ELP2: variants seen among roughly 807,000 people sequenced by gnomAD.
ELP2 encodes the protein elongator acetyltransferase complex subunit 2.
In ELP2, 90 loss-of-function variants were observed where a neutral mutation model predicts 119.2. That is an observed-to-expected ratio of 0.75 (90% CI 0.64 to 0.90). The LOEUF (loss-of-function observed/expected upper bound fraction) is 0.90. ELP2 is among the 40% of genes least tolerant of loss of function. The pLI is 0.00. For missense variants in ELP2, 921 were observed against 967.8 expected, an observed-to-expected ratio of 0.95 and a Z score of 0.64; for synonymous variants, 339 against 331.0, an observed-to-expected ratio of 1.02 and a Z score of -0.26.
intron 15 of ELP2, 27 bp from the exon 16 acceptor site, chr18:36,159,931 G>A (rs1568012650): frequency 6.2e-7 from 1 of 1,613,392 alleles, no homozygotes; most frequent in East Asian, 2.2e-5. Flanking sequence ...CTTTTACATA[G>A]AAAAAAATAG....
At position 36,145,222 on chromosome 18, in the gene ELP2, C is replaced by A. The variant is rs2090160804; in HGVS notation, c.892+188C>A. The stretch of plus-strand genomic sequence containing the variant: ...ACTCAGTTCCATTGAACATTGAACT[C>A]CTAAGTGGGAAAAGTGTAATTCCTG... On this transcript the variant is annotated intron_variant, in intron 9 of 21. Transcript: ENST00000358232. 3 of 579,526 alleles carry A rather than the reference C, an allele frequency of 5.2e-6. No individual in the cohort carries two copies. In the East Asian group the frequency reaches 9.4e-5, roughly 18 times the overall value. 35.9% of individuals were successfully genotyped at this position (579,526 alleles called of 1,614,324 possible). A position where few individuals can be genotyped will look rare whatever the true frequency, so the allele number is the denominator to read the frequency against.
intron 11 of ELP2, among the ~76,000 whole-genome samples, chr18:36,149,324 A>G (rs975421036): frequency 6.6e-6 from 1 of 152,156 alleles, no homozygotes; most frequent in African/African-American, 2.4e-5. Flanking sequence ...TAGGTGCAGA[A>G]CTAGTGAGCT....
chr18:36,131,766 C>T lies in ELP2; in HGVS notation c.139-1472C>T, dbSNP rs554128582. Among the ~76,000 whole-genome samples, 4 of 152,292 alleles carry T rather than the reference C, an allele frequency of 2.6e-5. No homozygotes were observed. The East Asian group carries it at 7.7e-4, about 29-fold the overall frequency. On this transcript the variant is annotated intron_variant, in intron 1 of 21. Transcript: ENST00000358232. ...ACACTGAAATGAAATTCTGATTCAG[C>T]TGTAGAATCCCATCTTTTTGCAGCA...
intron 11 of ELP2, among the ~76,000 whole-genome samples, chr18:36,151,742 G>GTTTTTTTTTTT (rs71166098): frequency 9.1e-6 from 1 of 109,828 alleles, no homozygotes; most frequent in East Asian, 3.3e-4. Context: ...GTTCTGTTCT[G>GTTTTTTTTTTT]TTTTTTTTTT....
At chr18:36,147,140 C>T (rs923952484) in intron 11 of ELP2, among the ~76,000 whole-genome samples, 7 of 139,722 alleles carry the variant, frequency 5.0e-5, no homozygotes, top group African/African-American at 1.9e-4. Context: ...CAGGTGTGAT[C>T]ATAGCTCACT....
At chr18:36,146,562 G>GT (rs1273553364) in intron 11 of ELP2, among the ~76,000 whole-genome samples, 181 bp downstream of exon 11, 7 of 152,256 alleles carry the variant, frequency 4.6e-5, no homozygotes, top group South Asian at 2.1e-4. Flanking sequence ...AATTTGCTAC[G>GT]TAAGTGCACT....
intron 11 of ELP2, 65 bp from the exon 12 acceptor site, chr18:36,154,785 G>C: frequency 6.3e-7 from 1 of 1,587,948 alleles, no homozygotes; most frequent in African/African-American, 1.3e-5. Flanking sequence ...TATCAGACGT[G>C]AGTGCTTTAC....
intron 20 of ELP2, 154 bp from the exon 21 acceptor site, chr18:36,170,893 A>G: frequency 4.4e-6 from 3 of 688,858 alleles, no homozygotes; most frequent in South Asian, 1.6e-5. Context: ...TTGAGGACAC[A>G]GGAGAGCAGT....
At chr18:36,151,543 A>G (rs2090399944) in intron 11 of ELP2, among the ~76,000 whole-genome samples, 6 of 151,960 alleles carry the variant, frequency 3.9e-5, no homozygotes, top group Admixed American at 3.3e-4. Context: ...GGCGTCTCAC[A>G]CCTGGAATCC....
chr18:36,141,042 A>T, intron 5 of ELP2, 95 bp from the exon 6 acceptor site: 1 of 1,000,496 alleles, frequency 1.0e-6, no homozygotes, highest in Non-Finnish European at 1.6e-6. Flanking sequence ...TGAAGTCAGG[A>T]TTCTTTACTT....
intron 16 of ELP2, 65 bp from the exon 17 acceptor site, chr18:36,160,867 A>G: frequency 2.7e-6 from 3 of 1,107,294 alleles, no homozygotes; most frequent in Non-Finnish European, 4.1e-6. Flanking sequence ...TTTTACTTTC[A>G]AAAATTGTGT....
intron 16 of ELP2, among the ~76,000 whole-genome samples, chr18:36,160,664 ATTGT>A (rs2090709822): frequency 6.6e-6 from 1 of 150,836 alleles, no homozygotes; most frequent in South Asian, 2.1e-4. Context: ...TCCATGTTTT[ATTGT>A]TTAGATACTG....
intron 14 of ELP2, 40 bp from the exon 15 acceptor site, chr18:36,159,695 A>G: frequency 1.4e-6 from 2 of 1,471,400 alleles, no homozygotes; most frequent in African/African-American, 2.8e-5. Flanking sequence ...AGGAGATATA[A>G]AAATAGTGAC....
intron 5 of ELP2, among the ~76,000 whole-genome samples, chr18:36,139,969 C>A (rs1405838422): frequency 6.6e-6 from 1 of 151,546 alleles, no homozygotes; most frequent in Non-Finnish European, 1.5e-5. Flanking sequence ...CCACCTCAGC[C>A]AAGTGGCTGG....
At chr18:36,169,495 T>TG in intron 19 of ELP2, among the ~76,000 whole-genome samples, 1 of 151,446 alleles carries the variant, frequency 6.6e-6, no homozygotes, top group Non-Finnish European at 1.5e-5. Context: ...CAAGCGATTC[T>TG]CCTGCCTTAG....
chr18:36,148,725 G>A (rs2090293238), intron 11 of ELP2, among the ~76,000 whole-genome samples: 1 of 152,148 alleles, frequency 6.6e-6, no homozygotes, highest in East Asian at 1.9e-4. Flanking sequence ...CCATGGGCTT[G>A]CAGCCCTGGG....
intron 13 of ELP2, among the ~76,000 whole-genome samples, chr18:36,157,338 T>G (rs1175509424): frequency 6.6e-6 from 1 of 152,086 alleles, no homozygotes; most frequent in Non-Finnish European, 1.5e-5. Flanking sequence ...ACGAATTTGG[T>G]TCTGAGCTCA....
chr18:36,162,801 G>T (rs2090778899), intron 17 of ELP2, among the ~76,000 whole-genome samples: 1 of 152,138 alleles, frequency 6.6e-6, no homozygotes. Context: ...TTTCTCTAAT[G>T]ATATTAAGCA....
chr18:36,165,727 C>CA (rs1197270378), intron 18 of ELP2, among the ~76,000 whole-genome samples: 1 of 151,508 alleles, frequency 6.6e-6, no homozygotes, highest in Non-Finnish European at 1.5e-5. Context: ...ACTAAAAATA[C>CA]AAAAATTGGC....
Sources: gnomAD v4.1 joint callset for allele counts (sites outside exome capture counted in the v4.1 genomes callset) on GRCh38, gnomAD v4.1.1 for gene constraint, MANE v1.5 for transcripts, NCBI Gene and HGNC (gene_info 2026-07-23, HGNC 2026-07-21) for gene names.